Variants in COX7B2 observed in about 807,000 individuals in gnomAD.
COX7B2 encodes the protein cytochrome c oxidase subunit 7B2, mitochondrial.
For missense variants in COX7B2, 109 were observed against 95.9 expected, an observed-to-expected ratio of 1.14 and a Z score of -0.57; for synonymous variants, 37 against 32.1, an observed-to-expected ratio of 1.15 and a Z score of -0.51.
At chr4:46,848,120 G>A (rs940171303) in intron 1 of COX7B2, among the ~76,000 whole-genome samples, 4 of 152,036 alleles carry the variant, frequency 2.6e-5, no homozygotes, top group Admixed American at 2.6e-4. Context: ...TCACTGCTAA[G>A]TAAATGACAT....
chr4:46,736,626 T>C (rs1714379391), intron 2 of COX7B2, among the ~76,000 whole-genome samples: 1 of 152,198 alleles, frequency 6.6e-6, no homozygotes, highest in Non-Finnish European at 1.5e-5. Context: ...TCTTTCTGTT[T>C]TGACTTACTC....
chr4:46,817,540 G>T (rs891057951), intron 2 of COX7B2, among the ~76,000 whole-genome samples: 1 of 151,900 alleles, frequency 6.6e-6, no homozygotes, highest in African/African-American at 2.4e-5. Flanking sequence ...CCCTTTAATT[G>T]GGCAACTTTA....
At chr4:46,826,864 GTGGAGGGA>G (rs1190954005) in intron 2 of COX7B2, among the ~76,000 whole-genome samples, 2 of 152,122 alleles carry the variant, frequency 1.3e-5, no homozygotes, top group African/African-American at 4.8e-5. Flanking sequence ...CTACTAGCAT[GTGGAGGGA>G]TGGAGGAGGG....
intron 2 of COX7B2, among the ~76,000 whole-genome samples, chr4:46,755,882 C>G (rs1207426182): frequency 2.0e-5 from 3 of 152,042 alleles, no homozygotes; most frequent in African/African-American, 7.2e-5. Context: ...AATTATCACA[C>G]AGCCCAAAAT....
intron 1 of COX7B2, among the ~76,000 whole-genome samples, chr4:46,868,594 G>A (rs942714897): frequency 6.6e-6 from 1 of 152,056 alleles, no homozygotes. Context: ...GTTTCAAAAA[G>A]CCTCTTGATT....
At chr4:46,905,908 CA>C (rs1468353502) in intron 1 of COX7B2, among the ~76,000 whole-genome samples, 1 of 139,948 alleles carries the variant, frequency 7.1e-6, no homozygotes, top group East Asian at 2.2e-4. Flanking sequence ...CAGCTCACTG[CA>C]AGCTCCGCTT....
intron 1 of COX7B2, among the ~76,000 whole-genome samples, chr4:46,906,210 A>T (rs1577722302): frequency 6.6e-6 from 1 of 152,280 alleles, no homozygotes; most frequent in East Asian, 1.9e-4. Flanking sequence ...CCTGCCCCTC[A>T]GGGAGGGTCT....
At chr4:46,768,148 T>C (rs956933236) in intron 2 of COX7B2, among the ~76,000 whole-genome samples, 2 of 152,236 alleles carry the variant, frequency 1.3e-5, no homozygotes, top group African/African-American at 4.8e-5. Context: ...GACAGCCTCA[T>C]GCACCCATAC....
intron 2 of COX7B2, among the ~76,000 whole-genome samples, chr4:46,806,048 G>C (rs974923085): frequency 6.6e-6 from 1 of 152,082 alleles, no homozygotes; most frequent in African/African-American, 2.4e-5. Flanking sequence ...TTGTGTCCTT[G>C]TAATTGCCTC....
At position 46,807,890 on chromosome 4, in the gene COX7B2, TTTCATGCC is replaced by T. The variant is rs573187394; in HGVS notation, c.-50+37062_-50+37069del. 2.1e-4 allele frequency among the ~76,000 whole-genome samples: 32 copies of T among 152,094 alleles called. No individual in the cohort carries two copies. In the South Asian group the frequency reaches 6.2e-3, roughly 30 times the overall value. Reference sequence around the variant, plus strand: ...CTGTTCCACTGGTCCATGTATCTGTTTTCATGCCAGTACCATGCTGTTTTGATTGTTAT... The same window carrying T: ...CTGTTCCACTGGTCCATGTATCTGTTAGTACCATGCTGTTTTGATTGTTAT... On this transcript the variant is annotated intron_variant, in intron 2 of 2. Transcript: ENST00000355591.
At chr4:46,803,788 G>A (rs1718803358) in intron 2 of COX7B2, among the ~76,000 whole-genome samples, 1 of 144,498 alleles carries the variant, frequency 6.9e-6, no homozygotes, top group South Asian at 2.2e-4. Flanking sequence ...CACAAAGACA[G>A]ACAAGTATTT....
intron 2 of COX7B2, among the ~76,000 whole-genome samples, chr4:46,778,903 C>T (rs527565478): frequency 9.2e-5 from 14 of 152,060 alleles, no homozygotes; most frequent in South Asian, 4.2e-4. Context: ...ATATGTGCTC[C>T]GATTCAATAA....
intron 1 of COX7B2, among the ~76,000 whole-genome samples, chr4:46,894,099 T>C (rs1229621684): frequency 6.6e-6 from 1 of 152,146 alleles, no homozygotes; most frequent in African/African-American, 2.4e-5. Context: ...CAAAGAAATG[T>C]ACAGAGTCAA....
At chr4:46,816,277 G>A (rs1192549143) in intron 2 of COX7B2, among the ~76,000 whole-genome samples, 11 of 151,972 alleles carry the variant, frequency 7.2e-5, no homozygotes, top group Admixed American at 5.2e-4. Context: ...CTTTGCCATC[G>A]TTAACATATG....
At chr4:46,901,327 A>G (rs1447243025) in intron 1 of COX7B2, among the ~76,000 whole-genome samples, 7 of 152,216 alleles carry the variant, frequency 4.6e-5, no homozygotes, top group Admixed American at 3.3e-4. Flanking sequence ...CAATCAACAG[A>G]TATTTCCCAT....
In COX7B2 at chr4:46,866,912, T is replaced by A. The variant is rs567538733; in HGVS notation, c.-104-21898A>T. 1.7e-4 allele frequency among the ~76,000 whole-genome samples: 26 copies of A among 152,346 alleles called. 1 individual carries two copies. Among genetic ancestry groups the A allele is most frequent in the African/African-American group, 5.5e-4 (23 of 41,574 alleles). On this transcript the variant is annotated intron_variant, in intron 1 of 2. Transcript: ENST00000355591. ...AAATTATATGAACAAGTTACATGGC[T>A]ATATAGATACAACCAGGGTACTGAC...
chr4:46,760,750 T>A (rs1560360763), intron 2 of COX7B2, among the ~76,000 whole-genome samples: 1 of 152,082 alleles, frequency 6.6e-6, no homozygotes, highest in East Asian at 1.9e-4. Context: ...AAATAAAATT[T>A]CTGAAATATA....
At chr4:46,807,499 T>C (rs766178740) in intron 2 of COX7B2, among the ~76,000 whole-genome samples, 38 of 150,406 alleles carry the variant, frequency 2.5e-4, no homozygotes, top group Non-Finnish European at 4.1e-4. Flanking sequence ...TATACAGGAG[T>C]TTTTTTAGTT....
At chr4:46,741,921 C>T (rs1714740826) in intron 2 of COX7B2, among the ~76,000 whole-genome samples, 1 of 152,066 alleles carries the variant, frequency 6.6e-6, no homozygotes, top group Non-Finnish European at 1.5e-5. Context: ...ATTTATGGAA[C>T]ATTGAGTCAG....
Sources: allele counts gnomAD v4.1 joint callset (sites outside exome capture counted in the v4.1 genomes callset), GRCh38; gene constraint gnomAD v4.1.1; transcripts MANE v1.5; gene names NCBI Gene and HGNC (gene_info 2026-07-23, HGNC 2026-07-21).